Variants in HDAC9 observed in about 807,000 individuals in gnomAD.
HDAC9 encodes MEF-2 interacting transcription repressor (MITR) protein.
In HDAC9, 41 loss-of-function variants were observed where a neutral mutation model predicts 139.4. That is an observed-to-expected ratio of 0.29 (90% CI 0.23 to 0.38). The LOEUF (loss-of-function observed/expected upper bound fraction) is 0.38. Ranked by LOEUF, HDAC9 falls within the 10% of genes least tolerant of loss-of-function variation. The pLI is 1.00. For synonymous variants in HDAC9, 517 were observed against 476.2 expected (o/e 1.09, Z -1.12); for missense variants, 1,147 against 1,297.0 (o/e 0.88, Z 1.78).
intron 2 of HDAC9, among the ~76,000 whole-genome samples, chr7:18,162,835 A>C (rs1421188480): frequency 2.0e-5 from 3 of 152,106 alleles, no homozygotes; most frequent in Non-Finnish European, 4.4e-5. Flanking sequence ...ATACATATTT[A>C]ATTATAATCT....
intron 1 of HDAC9, among the ~76,000 whole-genome samples, chr7:18,102,942 A>C (rs906503759): frequency 2.6e-5 from 4 of 152,214 alleles, no homozygotes; most frequent in African/African-American, 9.7e-5. Context: ...TTTTTAAAGA[A>C]GGCCTAGGAC....
intron 1 of HDAC9, among the ~76,000 whole-genome samples, chr7:18,360,818 G>C (rs1442714288): frequency 6.6e-6 from 1 of 152,082 alleles, no homozygotes; most frequent in Non-Finnish European, 1.5e-5. Flanking sequence ...TACTTTCAGT[G>C]TCTAGAGCAT....
At chr7:18,666,884 A>G (rs1795024706) in intron 12 of HDAC9, 5 of 1,005,594 alleles carry the variant, frequency 5.0e-6, no homozygotes, top group Non-Finnish European at 5.9e-6. Context: ...AGTCTGATCA[A>G]TGAAGCATTC....
chr7:18,411,461 G>A (rs866608253), intron 1 of HDAC9, among the ~76,000 whole-genome samples: 5 of 151,660 alleles, frequency 3.3e-5, no homozygotes, highest in Admixed American at 2.0e-4. Flanking sequence ...TGCAGCCTCC[G>A]CCTACTGGGT....
intron 1 of HDAC9, among the ~76,000 whole-genome samples, chr7:18,151,080 A>G (rs1189632248): frequency 2.0e-5 from 3 of 151,596 alleles, no homozygotes; most frequent in Non-Finnish European, 1.5e-5. Flanking sequence ...TTTTTTTTGC[A>G]GAACTGGAAT....
intron 8 of HDAC9, among the ~76,000 whole-genome samples, chr7:18,642,784 C>T (rs10241413): frequency 6.6e-6 from 1 of 151,964 alleles, no homozygotes; most frequent in South Asian, 2.1e-4. Context: ...TCTATTTCTC[C>T]TTTTAGTTTA....
chr7:18,334,029 A>T (rs1562888315), intron 1 of HDAC9, among the ~76,000 whole-genome samples: 1 of 151,464 alleles, frequency 6.6e-6, no homozygotes, highest in African/African-American at 2.4e-5. Flanking sequence ...AAAAATACAG[A>T]TTTTGAAAAG....
At chr7:18,570,193 CA>C (rs113519246) in intron 2 of HDAC9, among the ~76,000 whole-genome samples, 15 of 149,540 alleles carry the variant, frequency 1.0e-4, no homozygotes, top group African/African-American at 2.0e-4. Context: ...AAAACAAAAA[CA>C]AAAAAAAATG....
At chr7:18,518,818 A>G (rs1804059148) in intron 2 of HDAC9, among the ~76,000 whole-genome samples, 1 of 152,240 alleles carries the variant, frequency 6.6e-6, no homozygotes, top group East Asian at 1.9e-4. Context: ...TTTGGAAAGC[A>G]TACCTTAAAA....
chr7:18,778,238 A>T (rs914292008), intron 16 of HDAC9, among the ~76,000 whole-genome samples: 2 of 152,016 alleles, frequency 1.3e-5, no homozygotes, highest in African/African-American at 4.8e-5. Context: ...TCTCTTTTTT[A>T]TTGAAATTCC....
intron 2 of HDAC9, among the ~76,000 whole-genome samples, chr7:18,206,483 T>C (rs1359881325): frequency 6.6e-6 from 1 of 152,284 alleles, no homozygotes; most frequent in South Asian, 2.1e-4. Flanking sequence ...GGCTTGTCTT[T>C]GGACTTTCTC....
chr7:18,438,053 A>T (rs931447950), intron 1 of HDAC9, among the ~76,000 whole-genome samples: 1 of 150,796 alleles, frequency 6.6e-6, no homozygotes, highest in African/African-American at 2.4e-5. Flanking sequence ...CACTTTATAT[A>T]AAGTGGTATA....
chr7:18,706,920 C>A (rs1486839202), intron 12 of HDAC9, among the ~76,000 whole-genome samples: 1 of 152,018 alleles, frequency 6.6e-6, no homozygotes, highest in Non-Finnish European at 1.5e-5. Flanking sequence ...AAAATAAATC[C>A]AAGTGTATGG....
chr7:18,226,623 G>A (rs1793075441), intron 2 of HDAC9, among the ~76,000 whole-genome samples: 2 of 152,150 alleles, frequency 1.3e-5, no homozygotes, highest in South Asian at 2.1e-4. Context: ...GGAATATGGT[G>A]GGAACATAGC....
chr7:18,119,624 A>G (rs935273068), intron 1 of HDAC9, among the ~76,000 whole-genome samples: 3 of 152,166 alleles, frequency 2.0e-5, no homozygotes, highest in African/African-American at 7.2e-5. Flanking sequence ...TAATGGGAAA[A>G]CACACTTGGA....
At chr7:18,264,020 G>T (rs1795848666) in intron 2 of HDAC9, among the ~76,000 whole-genome samples, 1 of 152,148 alleles carries the variant, frequency 6.6e-6, no homozygotes, top group South Asian at 2.1e-4. Flanking sequence ...CATAGGAATT[G>T]TAAACATTTA....
chr7:18,562,536 C>T (rs1248900689), intron 2 of HDAC9, among the ~76,000 whole-genome samples: 1 of 152,118 alleles, frequency 6.6e-6, no homozygotes, highest in Non-Finnish European at 1.5e-5. Context: ...ATTGAAATAA[C>T]ATTCTTGTCT....
chr7:18,206,727 T>G (rs1054256047), intron 2 of HDAC9, among the ~76,000 whole-genome samples: 2 of 152,284 alleles, frequency 1.3e-5, no homozygotes, highest in African/African-American at 4.8e-5. Flanking sequence ...GGATGGACCT[T>G]AAAAAATTCA....
chr7:18,506,200 A>G (rs1052440044), intron 2 of HDAC9, among the ~76,000 whole-genome samples: 1 of 152,214 alleles, frequency 6.6e-6, no homozygotes, highest in Non-Finnish European at 1.5e-5. Context: ...GCTTAGGGTG[A>G]TTGCAGAATT....
Sources: allele counts gnomAD v4.1 joint callset (sites outside exome capture counted in the v4.1 genomes callset), GRCh38; gene constraint gnomAD v4.1.1; transcripts MANE v1.5; gene names NCBI Gene and HGNC (gene_info 2026-07-23, HGNC 2026-07-21).